Variants in DCAF11 observed in about 807,000 individuals in gnomAD.
The protein encoded by DCAF11 is DDB1 and CUL4 associated factor 11, also known as DDB1- and CUL4-associated factor 11.
DCAF11 carries 44 observed loss-of-function variants against 76.1 expected under a neutral mutation model. That is an observed-to-expected ratio of 0.58 (90% CI 0.45 to 0.74). DCAF11 has a LOEUF of 0.74. Among genes scored for constraint, DCAF11 ranks in the 30% least tolerant of loss-of-function variants. The probability of loss-of-function intolerance (pLI) is 0.00; values close to 1 mark genes in which losing one functional copy is unlikely to be tolerated. For synonymous variants in DCAF11, 258 were observed against 255.0 expected (o/e 1.01, Z -0.11); for missense variants, 604 against 709.4 (o/e 0.85, Z 1.69).
chr14:24,125,086 C>T lies in DCAF11; in HGVS notation c.*1777C>T, dbSNP rs2037757418. 6.6e-6 allele frequency: 1 copy of T among 152,224 alleles called. No homozygotes were observed. Among genetic ancestry groups the T allele is most frequent in the South Asian group, 2.1e-4 (1 of 4,824 alleles). The allele number at this position is 152,224 out of a possible 1,614,324, so 9.4% of individuals were successfully genotyped here. Reference sequence around the variant, plus strand: ...ATTAGCCAGATGTGGTGACGCATGCCTGTAGTCCTAGCTACTCAGGAGGCT... The same window carrying T: ...ATTAGCCAGATGTGGTGACGCATGCTTGTAGTCCTAGCTACTCAGGAGGCT... On this transcript the variant is annotated 3_prime_UTR_variant, in exon 15 of 15. Coordinates refer to ENST00000446197, the MANE Select transcript of DCAF11 (RefSeq NM_025230.5).
rs1228372191 is a variant in DCAF11 at position 24,124,816 on chromosome 14, T to C, written c.*1507T>C. 1 of 152,020 alleles carries C rather than the reference T, an allele frequency of 6.6e-6. No homozygotes were observed. Among genetic ancestry groups the C allele is most frequent in the Non-Finnish European group, 1.5e-5 (1 of 68,020 alleles). The allele number at this position is 152,020 out of a possible 1,614,324, so 9.4% of individuals were successfully genotyped here. ...CGGCATTTTGGGAGGCCGAGATAGG[T>C]GGATCACCTGAAGTCAGGTGTTTGA... is the stretch of plus-strand genomic sequence containing the variant. On this transcript the variant is annotated 3_prime_UTR_variant, in exon 15 of 15. Coordinates refer to ENST00000446197, the MANE Select transcript of DCAF11 (RefSeq NM_025230.5).
At position 24,117,139 on chromosome 14, in the gene DCAF11, A is replaced by G; in HGVS notation, c.283+95A>G. The G allele has an allele frequency of 6.2e-7, 1 of 1,608,444 alleles. No individual in the cohort carries two copies. The highest frequency in any genetic ancestry group is 8.5e-7 in the Non-Finnish European group (1 of 1,176,504). On this transcript the variant is annotated intron_variant, in intron 3 of 14. Coordinates refer to ENST00000446197, the MANE Select transcript of DCAF11 (RefSeq NM_025230.5). This position sits in a 1 kb window ranked among gnomAD's most constrained non-coding sequence, Gnocchi z 4.3. Reference sequence around the variant, plus strand: ...GGTTACATTGAAAGAAGGTACGATAATTTAAGGAATAAGGAGTCCTTACAG... The same window carrying G: ...GGTTACATTGAAAGAAGGTACGATAGTTTAAGGAATAAGGAGTCCTTACAG...
At position 24,114,988 on chromosome 14, in the gene DCAF11, C is replaced by T; in HGVS notation, c.-519C>T. ...GTGGGAGGTGCTTCTCGGCTTCCTCCCCCTCATGGCGTACACACCCCCGGC... is the reference window on the plus strand; with the variant it reads ...GTGGGAGGTGCTTCTCGGCTTCCTCTCCCTCATGGCGTACACACCCCCGGC... On this transcript the variant is annotated 5_prime_UTR_variant, in exon 1 of 15. Transcript: ENST00000446197. 1 of 985,942 alleles carries T rather than the reference C, an allele frequency of 1.0e-6. No individual in the cohort carries two copies. The highest frequency in any genetic ancestry group is 1.2e-6 in the Non-Finnish European group (1 of 829,958). 61.1% of individuals were successfully genotyped at this position (985,942 alleles called of 1,614,324 possible).
intron 2 of DCAF11, among the ~76,000 whole-genome samples, chr14:24,116,060 G>A (rs1003217224): frequency 1.3e-5 from 2 of 151,976 alleles, no homozygotes; most frequent in African/African-American, 4.8e-5. Context: ...AAAGGGGGGG[G>A]TCCTAGTGGG....
In DCAF11 at chr14:24,115,102, G is replaced by A. The variant is rs1323120981; in HGVS notation, c.-405G>A. The A allele has an allele frequency of 2.4e-6, 2 of 845,546 alleles. No individual in the cohort carries two copies. The highest frequency in any genetic ancestry group is 2.8e-6 in the Non-Finnish European group (2 of 701,786). 52.4% of individuals were successfully genotyped at this position (845,546 alleles called of 1,614,324 possible). On this transcript the variant is annotated 5_prime_UTR_variant, in exon 1 of 15. Coordinates refer to ENST00000446197, the MANE Select transcript of DCAF11 (RefSeq NM_025230.5). ...TCACTGCTGCCGGCCTTTGTAAGGGGGCGCTCTGATTGGTCGATAAGGTGG... is the reference window on the plus strand; with the variant it reads ...TCACTGCTGCCGGCCTTTGTAAGGGAGCGCTCTGATTGGTCGATAAGGTGG...
intron 11 of DCAF11, among the ~76,000 whole-genome samples, chr14:24,120,101 G>A (rs371962118): frequency 7.9e-5 from 12 of 152,218 alleles, no homozygotes; most frequent in South Asian, 6.2e-4. Context: ...AGGGCTTTCC[G>A]TACAAGAAAA....
chr14:24,118,306 G>A (rs2277480), intron 6 of DCAF11, 82 bp from the exon 7 acceptor site: 488,336 of 1,600,594 alleles, frequency 0.31, 77,850 homozygotes, highest in Admixed American at 0.47. Flanking sequence ...AGACTCCACA[G>A]GTACACTGAG....
rs749455490 is a variant in DCAF11 at position 24,117,713 on chromosome 14, C to G, written c.457C>G (p.Gln153Glu). 2.5e-6 allele frequency: 4 copies of G among 1,614,006 alleles called. No homozygotes were observed. Among genetic ancestry groups the G allele is most frequent in the Non-Finnish European group, 3.4e-6 (4 of 1,180,010 alleles). ...CHRGSFSLGEQSRVISHFLPN... is the reference protein window; with the variant it reads ...CHRGSFSLGEESRVISHFLPN... ...TCGGGGAAGCTTCTCCCTTGGAGAACAGTCTCGAGTGATATCTCAGTGAGT... is the reference window on the plus strand; with the variant it reads ...TCGGGGAAGCTTCTCCCTTGGAGAAGAGTCTCGAGTGATATCTCAGTGAGT... The change falls in exon 5 of 15, where the codon CAG (glutamine) becomes GAG (glutamate). Residue 153 changes from glutamine to glutamate, a missense_variant. Gln to Glu is a conservative substitution (Grantham distance 29). Coordinates refer to ENST00000446197, the MANE Select transcript of DCAF11 (RefSeq NM_025230.5). This position sits in a 1 kb window ranked among gnomAD's most constrained non-coding sequence, Gnocchi z 4.3.
At chr14:24,119,511 T>C in intron 9 of DCAF11, 48 bp from the exon 10 acceptor site, 7 of 1,609,996 alleles carry the variant, frequency 4.3e-6, no homozygotes, top group Non-Finnish European at 5.1e-6. Context: ...ACCACGTTGG[T>C]CCTCTCGATC....
rs578153282 is a variant in DCAF11, at chr14:24,115,639, C to T, written c.45C>T (p.Asp15=). 1.8e-4 allele frequency: 297 copies of T among 1,613,740 alleles called. No homozygotes were observed. The highest frequency in any genetic ancestry group is 2.5e-4 in the Non-Finnish European group (291 of 1,179,892). The change falls in exon 2 of 15, where the codon GAC becomes GAT. Residue 15 remains aspartate, a synonymous_variant. Transcript: ENST00000446197. ...GCAGTGCAGGATCCGGGTCCGGAGA[C>T]CCCTCCGAGGGCTTGCCCCGAAGAG... ...NSSSAGSGSG[D]PSEGLPRRGA...
At chr14:24,121,620 C>T in intron 13 of DCAF11, 103 bp downstream of exon 13, 2 of 1,341,678 alleles carry the variant, frequency 1.5e-6, no homozygotes, top group Admixed American at 2.5e-5. Context: ...CCAGTGACAG[C>T]TACAGGTAAA....
chr14:24,123,495 G>C lies in DCAF11; in HGVS notation c.*186G>C, dbSNP rs189672723. On this transcript the variant is annotated 3_prime_UTR_variant, in exon 15 of 15. Transcript: ENST00000446197. ...CCATGGGGCAGAGTGGTCTCCTTAC[G>C]TGCTCACACCCAGTCAGCTTGGGTC... 1.0e-4 allele frequency: 95 copies of C among 910,240 alleles called. No homozygotes were observed. In the South Asian group the frequency reaches 2.5e-3, roughly 23 times the overall value. The allele number at this position is 910,240 out of a possible 1,614,324, so 56.4% of individuals were successfully genotyped here. A position where few individuals can be genotyped will look rare whatever the true frequency, so the allele number is the denominator to read the frequency against.
Position 24,121,420 on chromosome 14 carries a change from C to T in DCAF11, c.1302C>T (p.His434=), listed in dbSNP as rs369139377. The change falls in exon 13 of 15, where the codon CAC becomes CAT. Residue 434 remains histidine (H), a synonymous_variant. Coordinates refer to ENST00000446197, the MANE Select transcript of DCAF11 (RefSeq NM_025230.5). ...GDSSLMTYRG[H]GVLHTLIRCR... is the part of the protein sequence containing the mutation. ...GCTCCTTGATGACCTACCGGGGCCACGGAGTGCTGCACACCCTCATCCGCT... is the reference window on the plus strand; with the variant it reads ...GCTCCTTGATGACCTACCGGGGCCATGGAGTGCTGCACACCCTCATCCGCT... 1.6e-4 allele frequency: 254 copies of T among 1,614,108 alleles called. No homozygotes were observed. The highest frequency in any genetic ancestry group is 2.0e-4 in the Non-Finnish European group (238 of 1,180,058).
At chr14:24,119,456 C>A in intron 9 of DCAF11, 103 bp from the exon 10 acceptor site, 1 of 1,456,420 alleles carries the variant, frequency 6.9e-7, no homozygotes, top group Non-Finnish European at 9.6e-7. Context: ...GAGCAAAGGG[C>A]TTGACCCAGA....
Position 24,117,143 on chromosome 14 carries a change from A to G in DCAF11, c.283+99A>G. 2 of 1,606,280 alleles carry G rather than the reference A, an allele frequency of 1.2e-6. No homozygotes were observed. The highest frequency in any genetic ancestry group is 2.2e-5 in the East Asian group (1 of 44,814). ...ACATTGAAAGAAGGTACGATAATTT[A>G]AGGAATAAGGAGTCCTTACAGCCCC... On this transcript the variant is annotated intron_variant, in intron 3 of 14. Coordinates refer to ENST00000446197, the MANE Select transcript of DCAF11 (RefSeq NM_025230.5). The surrounding 1 kb of genome is among the most constrained non-coding windows in gnomAD (Gnocchi z 4.3).
chr14:24,115,395 T>C lies in DCAF11; in HGVS notation c.-200T>C. On this transcript the variant is annotated 5_prime_UTR_variant, in exon 2 of 15. Coordinates refer to ENST00000446197, the MANE Select transcript of DCAF11 (RefSeq NM_025230.5). ...TTTGCTTCACAGGATTGGAGAAGGT[T>C]TGTGTTCCCGACGCCTTGGTAGTTG... 1.7e-6 allele frequency: 1 copy of C among 603,414 alleles called. No homozygotes were observed. The highest frequency in any genetic ancestry group is 2.7e-6 in the Non-Finnish European group (1 of 377,208). The allele number at this position is 603,414 out of a possible 1,614,324, so 37.4% of individuals were successfully genotyped here.
chr14:24,120,186 T>C (rs557884847), intron 11 of DCAF11, among the ~76,000 whole-genome samples: 9 of 151,912 alleles, frequency 5.9e-5, no homozygotes, highest in Middle Eastern at 3.4e-3. Flanking sequence ...GGAGGATCAC[T>C]TGAGCTCAGG....
intron 10 of DCAF11, 22 bp downstream of exon 10, chr14:24,119,638 C>T (rs1422619086): frequency 1.2e-6 from 2 of 1,614,230 alleles, no homozygotes; most frequent in Non-Finnish European, 1.7e-6. Context: ...GAGATAGAGC[C>T]TCTGCCTCCT....
intron 12 of DCAF11, 67 bp downstream of exon 12, chr14:24,121,058 C>G: frequency 6.3e-7 from 1 of 1,585,612 alleles, no homozygotes; most frequent in South Asian, 1.1e-5. Flanking sequence ...ACCTCCCCCT[C>G]AGCCCTCTTT....
Sources: allele counts gnomAD v4.1 joint callset (sites outside exome capture counted in the v4.1 genomes callset), GRCh38; gene constraint gnomAD v4.1.1; non-coding constraint Gnocchi (gnomAD v3.1); transcripts MANE v1.5; gene names NCBI Gene and HGNC (gene_info 2026-07-23, HGNC 2026-07-21).